The following SLC35F1 variants were observed in gnomAD, a reference collection of about 807,000 sequenced individuals.
The protein encoded by SLC35F1 is chromosome 6 open reading frame 169.
Under a neutral mutation model 48.7 loss-of-function variants are expected in SLC35F1, and 14 were observed. The observed-to-expected ratio is 0.29, with a 90% confidence interval of 0.19 to 0.45. The LOEUF is 0.45. Among genes scored for constraint, SLC35F1 ranks in the 20% least tolerant of loss-of-function variants. The pLI, the probability that SLC35F1 is intolerant of heterozygous loss-of-function variation, is 1.00. For synonymous variants in SLC35F1, 190 were observed against 202.2 expected (o/e 0.94, Z 0.51); for missense variants, 404 against 500.0 (o/e 0.81, Z 1.83).
intron 1 of SLC35F1, among the ~76,000 whole-genome samples, chr6:118,059,480 G>T (rs532916513): frequency 6.6e-6 from 1 of 152,290 alleles, no homozygotes; most frequent in African/African-American, 2.4e-5. Context: ...ATTCCAAGGT[G>T]CTGTATCAGT....
intron 1 of SLC35F1, among the ~76,000 whole-genome samples, chr6:117,997,532 A>G (rs1286666334): frequency 6.6e-6 from 1 of 152,320 alleles, no homozygotes; most frequent in African/African-American, 2.4e-5. Context: ...GAGAAATGTC[A>G]GGTTACCCAC....
chr6:118,085,334 C>A lies in SLC35F1; in HGVS notation c.174-69111C>A, dbSNP rs552436848. Among the ~76,000 whole-genome samples, 39 of 152,112 alleles carry A rather than the reference C, an allele frequency of 2.6e-4. 1 individual carries two copies. The South Asian group carries it at 7.7e-3, about 30-fold the overall frequency. On this transcript the variant is annotated intron_variant, in intron 1 of 7. Transcript: ENST00000360388. Reference sequence around the variant, plus strand: ...CTGTCAGCTCTAGCTTGGACCAAATCCCCTTGGATTTTCCTGGTGCAAACT... The same window carrying A: ...CTGTCAGCTCTAGCTTGGACCAAATACCCTTGGATTTTCCTGGTGCAAACT...
intron 1 of SLC35F1, among the ~76,000 whole-genome samples, chr6:118,130,645 T>A (rs1293564423): frequency 6.6e-6 from 1 of 151,910 alleles, no homozygotes; most frequent in East Asian, 1.9e-4. Context: ...ATGCCAAATG[T>A]TCAGAAATTC....
intron 1 of SLC35F1, among the ~76,000 whole-genome samples, chr6:118,147,241 C>T (rs1342842439): frequency 6.6e-6 from 1 of 152,182 alleles, no homozygotes; most frequent in Non-Finnish European, 1.5e-5. Flanking sequence ...AGTAATTCCC[C>T]TGCACGTTCC....
chr6:118,049,032 C>T (rs1443088141), intron 1 of SLC35F1, among the ~76,000 whole-genome samples: 2 of 152,098 alleles, frequency 1.3e-5, no homozygotes, highest in Non-Finnish European at 2.9e-5. Context: ...ATCAATGGAA[C>T]AGAACAGAGC....
rs750019105 is a variant in SLC35F1, at chr6:117,907,917, G to A, written c.173+18G>A. 2.3e-6 allele frequency: 3 copies of A among 1,311,086 alleles called. No homozygotes were observed. The African/African-American group carries it at 4.6e-5, about 20-fold the overall frequency. 81.2% of individuals were successfully genotyped at this position (1,311,086 alleles called of 1,614,324 possible). A position where few individuals can be genotyped will look rare whatever the true frequency, so the allele number is the denominator to read the frequency against. On this transcript the variant is annotated intron_variant, in intron 1 of 7. Transcript: ENST00000360388. ...CTGAACAGGTGAGCGGCGGCGCCGG[G>A]CGAGGGCGCGGGGGGCGGGGGCTGC...
chr6:117,939,105 T>C (rs1032396800), intron 1 of SLC35F1, among the ~76,000 whole-genome samples: 2 of 151,202 alleles, frequency 1.3e-5, no homozygotes, highest in Non-Finnish European at 2.9e-5. Flanking sequence ...GCTCAAATGA[T>C]CTTCCTGCTT....
intron 1 of SLC35F1, among the ~76,000 whole-genome samples, chr6:117,993,704 A>G (rs1776949543): frequency 6.6e-6 from 1 of 152,166 alleles, no homozygotes; most frequent in Non-Finnish European, 1.5e-5. Flanking sequence ...TCTTACTCTG[A>G]CAGTTGTCTT....
rs746340791 is a variant in SLC35F1 at position 118,285,260 on chromosome 6, T to C, written c.924T>C (p.Ser308=). The change falls in exon 7 of 8, where the codon AGT becomes AGC. Residue 308 remains serine (S), a synonymous_variant. Coordinates refer to ENST00000360388, the MANE Select transcript of SLC35F1 (RefSeq NM_001029858.4). ...TGCCAGTCGTCATAAAGAAAACCAG[T>C]GCCACTTCAGTCAACCTCTCCTTGC... ...SFMPVVIKKT[S]ATSVNLSLLT... is the part of the protein sequence containing the mutation. 4.3e-6 allele frequency: 7 copies of C among 1,614,036 alleles called. No individual in the cohort carries two copies. In the African/African-American group the frequency reaches 9.3e-5, roughly 22 times the overall value.
intron 1 of SLC35F1, among the ~76,000 whole-genome samples, chr6:117,953,024 A>T (rs565690517): frequency 6.6e-6 from 1 of 152,334 alleles, no homozygotes; most frequent in African/African-American, 2.4e-5. Flanking sequence ...GGAAGTGGGC[A>T]CTGGTCCATG....
At chr6:117,919,985 A>G (rs1440330590) in intron 1 of SLC35F1, among the ~76,000 whole-genome samples, 2 of 152,188 alleles carry the variant, frequency 1.3e-5, no homozygotes, top group Non-Finnish European at 2.9e-5. Context: ...AGCGGGATGG[A>G]TAGAGCGGCT....
intron 1 of SLC35F1, among the ~76,000 whole-genome samples, chr6:117,996,532 C>G (rs372822399): frequency 1.3e-5 from 2 of 152,166 alleles, no homozygotes; most frequent in South Asian, 2.1e-4. Flanking sequence ...AGGCACCCCC[C>G]AGTAGGGGCA....
chr6:118,115,271 C>T (rs1397289143), intron 1 of SLC35F1, among the ~76,000 whole-genome samples: 1 of 152,060 alleles, frequency 6.6e-6, no homozygotes, highest in South Asian at 2.1e-4. Context: ...AGAGAGGGTC[C>T]CTACTGCTGC....
intron 1 of SLC35F1, among the ~76,000 whole-genome samples, chr6:118,100,329 T>C (rs1018263315): frequency 3.3e-5 from 5 of 151,912 alleles, no homozygotes; most frequent in African/African-American, 1.2e-4. Context: ...TTAGCCAAAC[T>C]TGAGGTTAAA....
intron 1 of SLC35F1, among the ~76,000 whole-genome samples, chr6:117,992,951 T>C (rs892168881): frequency 1.2e-4 from 19 of 152,242 alleles, no homozygotes; most frequent in Admixed American, 3.9e-4. Context: ...ATGCCACTTA[T>C]TCATCCATAA....
At chr6:117,957,054 C>G (rs1203072842) in intron 1 of SLC35F1, among the ~76,000 whole-genome samples, 2 of 152,116 alleles carry the variant, frequency 1.3e-5, no homozygotes, top group Admixed American at 6.5e-5. Context: ...TAGCCATGTG[C>G]TTGGTGGGCA....
intron 2 of SLC35F1, among the ~76,000 whole-genome samples, chr6:118,214,936 C>A (rs867211401): frequency 9.9e-5 from 15 of 152,160 alleles, no homozygotes; most frequent in African/African-American, 3.6e-4. Flanking sequence ...TTTCCCTAAC[C>A]TCTTTTAAAA....
chr6:118,224,067 G>A (rs4245500), intron 2 of SLC35F1, among the ~76,000 whole-genome samples: 142,081 of 152,304 alleles, frequency 0.93, 66,328 homozygotes, highest in East Asian at 0.98. Flanking sequence ...TGGGATTAAG[G>A]AAAGGAAAAT....
At chr6:118,140,909 C>A (rs1773879922) in intron 1 of SLC35F1, among the ~76,000 whole-genome samples, 1 of 152,070 alleles carries the variant, frequency 6.6e-6, no homozygotes. Flanking sequence ...TTTTCTATAG[C>A]TGTACAATGT....
Sources: allele counts gnomAD v4.1 joint callset (sites outside exome capture counted in the v4.1 genomes callset), GRCh38; gene constraint gnomAD v4.1.1; transcripts MANE v1.5; gene names NCBI Gene and HGNC (gene_info 2026-07-23, HGNC 2026-07-21).